The following LRRC7 variants were observed in gnomAD, a reference collection of about 807,000 sequenced individuals.
LRRC7 encodes leucine rich repeat containing 7, also known as leucine-rich repeat-containing protein 7.
In LRRC7, 23 loss-of-function variants were observed where a neutral mutation model predicts 175.7. That is an observed-to-expected ratio of 0.13 (90% CI 0.09 to 0.19). The LOEUF (loss-of-function observed/expected upper bound fraction) is 0.19. Among genes scored for constraint, LRRC7 ranks in the 10% least tolerant of loss-of-function variants. LRRC7 has a pLI of 1.00. For synonymous variants in LRRC7, 685 were observed against 680.9 expected, an observed-to-expected ratio of 1.01 and a Z score of -0.09; for missense variants, 1,354 against 1,904.7, an observed-to-expected ratio of 0.71 and a Z score of 5.38.
At chr1:69,718,130 GAA>G (rs1491272108) in intron 2 of LRRC7, among the ~76,000 whole-genome samples, 6 of 44,688 alleles carry the variant, frequency 1.3e-4, no homozygotes, top group East Asian at 1.2e-3. Context: ...AGAAAGAAAA[GAA>G]AGAAAGAGAG....
chr1:69,654,163 G>T (rs1442302693), intron 1 of LRRC7, among the ~76,000 whole-genome samples: 1 of 150,906 alleles, frequency 6.6e-6, no homozygotes, highest in African/African-American at 2.4e-5. Flanking sequence ...GACTAGAATA[G>T]GCATGATACT....
intron 7 of LRRC7, among the ~76,000 whole-genome samples, chr1:69,901,882 A>G (rs1219449790): frequency 6.6e-6 from 1 of 152,178 alleles, no homozygotes; most frequent in Non-Finnish European, 1.5e-5. Context: ...GTTATCTTAT[A>G]TAAAGCCATC....
At chr1:69,973,001 G>T (rs1180916983) in intron 8 of LRRC7, among the ~76,000 whole-genome samples, 1 of 137,200 alleles carries the variant, frequency 7.3e-6, no homozygotes, top group Admixed American at 7.5e-5. Flanking sequence ...AATACTACTA[G>T]ATACTATATA....
intron 23 of LRRC7, among the ~76,000 whole-genome samples, chr1:70,058,954 GTTAAA>G (rs74947839): frequency 0.082 from 12,522 of 152,122 alleles, 614 homozygotes; most frequent in South Asian, 0.18. Flanking sequence ...TCCATAAAAT[GTTAAA>G]TTAAAGGATA....
At chr1:69,635,079 C>T (rs1408536822) in intron 1 of LRRC7, among the ~76,000 whole-genome samples, 1 of 152,052 alleles carries the variant, frequency 6.6e-6, no homozygotes, top group African/African-American at 2.4e-5. Flanking sequence ...CTTCCCTCCT[C>T]CACCCTCCAC....
At chr1:69,593,919 A>G (rs116755150) in intron 1 of LRRC7, among the ~76,000 whole-genome samples, 1,529 of 152,252 alleles carry the variant, frequency 0.01, 24 homozygotes, top group African/African-American at 0.035. Flanking sequence ...CCTTAACACA[A>G]TCTATCCCTA....
chr1:70,069,109 T>C (rs1662192153), intron 23 of LRRC7, among the ~76,000 whole-genome samples: 1 of 152,168 alleles, frequency 6.6e-6, no homozygotes, highest in African/African-American at 2.4e-5. Context: ...TTTCAGAAGT[T>C]TAATTATAGT....
chr1:69,787,721 CT>C (rs145033248), intron 3 of LRRC7, among the ~76,000 whole-genome samples: 517 of 152,256 alleles, frequency 3.4e-3, no homozygotes, highest in African/African-American at 0.012. Flanking sequence ...CCTGAAGACA[CT>C]TTCCCCATTG....
At chr1:70,056,781 A>T (rs958109345) in intron 23 of LRRC7, among the ~76,000 whole-genome samples, 1 of 152,242 alleles carries the variant, frequency 6.6e-6, no homozygotes, top group Non-Finnish European at 1.5e-5. Context: ...CGTAGAGTAG[A>T]CAGGGCTCTC....
chr1:69,814,132 G>T (rs898332803), intron 4 of LRRC7, among the ~76,000 whole-genome samples: 1 of 151,946 alleles, frequency 6.6e-6, no homozygotes, highest in Admixed American at 6.6e-5. Flanking sequence ...GGCTTTATTT[G>T]TCTAATGACA....
intron 24 of LRRC7, among the ~76,000 whole-genome samples, chr1:70,080,858 G>C (rs906346556): frequency 4.6e-5 from 7 of 152,124 alleles, no homozygotes; most frequent in Non-Finnish European, 7.4e-5. Flanking sequence ...AGAAAGTGAA[G>C]GTTTGACTCC....
intron 7 of LRRC7, among the ~76,000 whole-genome samples, chr1:69,839,414 A>G (rs1420291090): frequency 6.6e-6 from 1 of 152,142 alleles, no homozygotes. Flanking sequence ...GCACTTTTGA[A>G]TTATGCCTTT....
intron 11 of LRRC7, among the ~76,000 whole-genome samples, chr1:70,004,456 T>C (rs923126956): frequency 9.2e-5 from 14 of 152,168 alleles, no homozygotes; most frequent in African/African-American, 3.4e-4. Flanking sequence ...ATTTGCTATG[T>C]GCCCATTCTA....
chr1:70,007,360 G>C (rs1656081473), intron 11 of LRRC7, among the ~76,000 whole-genome samples: 2 of 152,112 alleles, frequency 1.3e-5, no homozygotes. Context: ...TCGTAAAAAT[G>C]ACCTTGCAAT....
rs577047180 is a variant in LRRC7, at chr1:70,125,791, C to CA, written c.*3925dup. Reference sequence around the variant, plus strand: ...TGGGCGACAGAGCGAGACTCCGTCTCAAAAAAAAAAAAAAAAAAAAAGAGA... The same window carrying CA: ...TGGGCGACAGAGCGAGACTCCGTCTCAAAAAAAAAAAAAAAAAAAAAAGAGA... On this transcript the variant is annotated 3_prime_UTR_variant, in exon 27 of 27. Transcript: ENST00000651989. Among the ~76,000 whole-genome samples, 712 of 87,028 alleles carry CA rather than the reference C, an allele frequency of 8.2e-3. 12 individuals carry two copies. The highest frequency in any genetic ancestry group is 9.5e-3 in the South Asian group (24 of 2,526). 57.1% of individuals were successfully genotyped at this position (87,028 alleles called of 152,430 possible). A position where few individuals can be genotyped will look rare whatever the true frequency, so the allele number is the denominator to read the frequency against.
chr1:69,573,352 C>T (rs1197134021), intron 1 of LRRC7, among the ~76,000 whole-genome samples: 3 of 151,930 alleles, frequency 2.0e-5, no homozygotes, highest in African/African-American at 7.3e-5. Flanking sequence ...TCCTGGTGTA[C>T]AAAGAAAGAT....
chr1:69,798,824 C>T (rs1234526315), intron 4 of LRRC7, among the ~76,000 whole-genome samples: 1 of 152,046 alleles, frequency 6.6e-6, no homozygotes, highest in Non-Finnish European at 1.5e-5. Flanking sequence ...GTTAGTTATA[C>T]CAGAAAATTA....
At chr1:69,641,127 AATATTTTATAACTTTTT>A (rs1373268713) in intron 1 of LRRC7, among the ~76,000 whole-genome samples, 4 of 151,694 alleles carry the variant, frequency 2.6e-5, no homozygotes, top group Non-Finnish European at 5.9e-5. Flanking sequence ...AAGTTATAGT[AATATTTTATAACTTTTT>A]ACATTAGGAA....
chr1:70,029,393 A>G (rs556706256), intron 18 of LRRC7, among the ~76,000 whole-genome samples: 12 of 152,260 alleles, frequency 7.9e-5, no homozygotes, highest in Middle Eastern at 3.4e-3. Flanking sequence ...AGGGCATTCC[A>G]AGCAAAGGGA....
Sources: allele counts gnomAD v4.1 joint callset (sites outside exome capture counted in the v4.1 genomes callset), GRCh38; gene constraint gnomAD v4.1.1; transcripts MANE v1.5; gene names NCBI Gene and HGNC (gene_info 2026-07-23, HGNC 2026-07-21).